Variants in TBCD observed in about 807,000 individuals in gnomAD.
TBCD encodes the protein tubulin-specific chaperone D.
Under a neutral mutation model 169.3 loss-of-function variants are expected in TBCD, and 105 were observed. The ratio of observed to expected loss-of-function variants is 0.62; its 90% confidence interval spans 0.53 to 0.73. The LOEUF (loss-of-function observed/expected upper bound fraction) is 0.73. Among genes scored for constraint, TBCD ranks in the 30% least tolerant of loss-of-function variants. The probability of loss-of-function intolerance (pLI) is 0.00; values close to 1 mark genes in which losing one functional copy is unlikely to be tolerated. For missense variants in TBCD, 1,444 were observed against 1,600.1 expected (o/e 0.90, Z 1.66); for synonymous variants, 700 against 643.9 (o/e 1.09, Z -1.32).
At chr17:82,938,216 G>C in intron 36 of TBCD, 80 bp downstream of exon 36, 1 of 1,453,138 alleles carries the variant, frequency 6.9e-7, no homozygotes, top group South Asian at 1.2e-5. Flanking sequence ...CGCTGGCACT[G>C]TTGTGTTGGT....
intron 18 of TBCD, among the ~76,000 whole-genome samples, chr17:82,902,961 A>G (rs1175505019): frequency 6.6e-6 from 1 of 152,264 alleles, no homozygotes; most frequent in East Asian, 1.9e-4. Context: ...ATGTTCAACC[A>G]TGGGTGCTTT....
At chr17:82,839,065 C>A in intron 13 of TBCD, 1 of 813,332 alleles carries the variant, frequency 1.2e-6, no homozygotes, top group Non-Finnish European at 1.5e-6. Flanking sequence ...AACAACCAAA[C>A]AGAAACTTAA....
intron 13 of TBCD, 46 bp from the exon 14 acceptor site, chr17:82,870,178 C>T (rs761522362): frequency 1.2e-6 from 2 of 1,609,870 alleles, no homozygotes; most frequent in East Asian, 2.2e-5. Context: ...TCACGTGTTG[C>T]CCGTGTGGTC....
rs1555608221 is a variant in TBCD at position 82,833,948 on chromosome 17, G to GC, written c.1318+19014_1318+19015insC. Among the ~76,000 whole-genome samples the GC allele has an allele frequency of 1.3e-5, 2 of 148,262 alleles. No individual in the cohort carries two copies. Among genetic ancestry groups the GC allele is most frequent in the Non-Finnish European group, 3.0e-5 (2 of 66,994 alleles). The stretch of plus-strand genomic sequence containing the variant: ...ACGCCCAAGGCTGAGAACAAAGGCT[G>GC]TTTTTCTTTTTTTGAGACAGAGTTT... On this transcript the variant is annotated intron_variant, in intron 13 of 38. Transcript: ENST00000355528. The surrounding 1 kb of genome is among the most constrained non-coding windows in gnomAD (Gnocchi z 4.7).
At chr17:82,808,725 A>C (rs1160617538) in intron 11 of TBCD, among the ~76,000 whole-genome samples, 2 of 101,352 alleles carry the variant, frequency 2.0e-5, no homozygotes, top group African/African-American at 3.9e-5. Flanking sequence ...AGGCAGGTGC[A>C]GGGGCCGGCA....
At chr17:82,784,472 A>G (rs956699859) in intron 7 of TBCD, among the ~76,000 whole-genome samples, 35 of 152,238 alleles carry the variant, frequency 2.3e-4, no homozygotes, top group Admixed American at 2.0e-3. Flanking sequence ...GTGGAGGGGT[A>G]GGGCAGGGAG....
At chr17:82,800,192 T>A (rs1381471726) in intron 8 of TBCD, among the ~76,000 whole-genome samples, 1 of 152,158 alleles carries the variant, frequency 6.6e-6, no homozygotes, top group African/African-American at 2.4e-5. Flanking sequence ...GCCATGCACT[T>A]CCACCCCAGC....
chr17:82,789,317 C>T lies in TBCD; in HGVS notation c.771+7596C>T, dbSNP rs532100716. On this transcript the variant is annotated intron_variant, in intron 7 of 38. Transcript: ENST00000355528. This position sits in a 1 kb window ranked among gnomAD's most constrained non-coding sequence, Gnocchi z 4.8. ...ACAGAAACCTGCATGGTGAGCCGCA[C>T]GCCTTTGAGTCCCCATCAGCCCTGG... is the stretch of plus-strand genomic sequence containing the variant. Among the ~76,000 whole-genome samples the T allele has an allele frequency of 1.1e-4, 17 of 152,344 alleles. No homozygotes were observed. The highest frequency in any genetic ancestry group is 2.9e-4 in the African/African-American group (12 of 41,582).
At position 82,915,288 on chromosome 17, in the gene TBCD, T is replaced by C. The variant is rs1339664140; in HGVS notation, c.2038+3499T>C. 2.0e-5 allele frequency among the ~76,000 whole-genome samples: 3 copies of C among 152,226 alleles called. No homozygotes were observed. Among genetic ancestry groups the C allele is most frequent in the Non-Finnish European group, 4.4e-5 (3 of 68,026 alleles). On this transcript the variant is annotated intron_variant, in intron 23 of 38. Transcript: ENST00000355528. This position sits in a 1 kb window ranked among gnomAD's most constrained non-coding sequence, Gnocchi z 4.3. Reference sequence around the variant, plus strand: ...CCGGAGGTGTCGAACCGCAGATTTCTTCAGACGTTTTTTGCACATTTTGTG... The same window carrying C: ...CCGGAGGTGTCGAACCGCAGATTTCCTCAGACGTTTTTTGCACATTTTGTG...
intron 14 of TBCD, among the ~76,000 whole-genome samples, chr17:82,883,840 G>A (rs1374764863): frequency 6.6e-6 from 1 of 152,222 alleles, no homozygotes; most frequent in Non-Finnish European, 1.5e-5. Context: ...CAGCAGGCCA[G>A]GTGCGTTCTG....
chr17:82,924,909 CCT>C, intron 26 of TBCD, 28 bp from the exon 27 acceptor site: 1 of 1,526,618 alleles, frequency 6.6e-7, no homozygotes, highest in Non-Finnish European at 8.9e-7. Flanking sequence ...CAGCAGAGGG[CCT>C]CTCTTCACAC....
At chr17:82,766,227 A>G in intron 3 of TBCD, 40 bp from the exon 4 acceptor site, 1 of 1,544,032 alleles carries the variant, frequency 6.5e-7, no homozygotes, top group Non-Finnish European at 8.8e-7. Flanking sequence ...TGCTCTCTGT[A>G]TTTTTAAATG....
rs2063588737 is a variant in TBCD, at chr17:82,945,027, A to C, written c.*2564A>C. ...GATTGACTTGGCCCTGACCAGTGGT[A>C]TTCCCAGACAAGGGCAGAAGATGCA... On this transcript the variant is annotated 3_prime_UTR_variant, in exon 39 of 39. Coordinates refer to ENST00000355528, the MANE Select transcript of TBCD (RefSeq NM_005993.5). The C allele has an allele frequency of 6.6e-6, 1 of 152,256 alleles. No individual in the cohort carries two copies. The highest frequency in any genetic ancestry group is 1.5e-5 in the Non-Finnish European group (1 of 68,060). The allele number at this position is 152,256 out of a possible 1,614,324, so 9.4% of individuals were successfully genotyped here. A position where few individuals can be genotyped will look rare whatever the true frequency, so the allele number is the denominator to read the frequency against.
chr17:82,761,448 G>A lies in TBCD; in HGVS notation c.236-2517G>A, dbSNP rs543251253. On this transcript the variant is annotated intron_variant, in intron 2 of 38. Transcript: ENST00000355528. ...GTAAGATGTTTGAGTTTCGGTAAATGTATACACCCCGCGCTATCAAGATAT... is the reference window on the plus strand; with the variant it reads ...GTAAGATGTTTGAGTTTCGGTAAATATATACACCCCGCGCTATCAAGATAT... Among the ~76,000 whole-genome samples the A allele has an allele frequency of 3.4e-4, 52 of 152,248 alleles. No homozygotes were observed. The South Asian group carries it at 9.7e-3, about 29-fold the overall frequency.
At chr17:82,862,023 C>T (rs971178543) in intron 13 of TBCD, among the ~76,000 whole-genome samples, 23 of 151,902 alleles carry the variant, frequency 1.5e-4, no homozygotes, top group Non-Finnish European at 2.6e-4. Context: ...CCCAGGTTCA[C>T]GCCATTCTCC....
chr17:82,906,933 G>A (rs2060292791), intron 20 of TBCD, among the ~76,000 whole-genome samples: 1 of 152,224 alleles, frequency 6.6e-6, no homozygotes, highest in Non-Finnish European at 1.5e-5. Context: ...GGAGAACCAG[G>A]CGGGAGCTCC....
chr17:82,846,922 C>T (rs1328302579), intron 13 of TBCD, among the ~76,000 whole-genome samples: 3 of 152,228 alleles, frequency 2.0e-5, no homozygotes, highest in Non-Finnish European at 4.4e-5. Flanking sequence ...ATGGCCAAGC[C>T]CAGCTGCACC....
intron 13 of TBCD, among the ~76,000 whole-genome samples, chr17:82,818,624 A>G (rs116221521): frequency 0.013 from 1,905 of 152,180 alleles, 56 homozygotes; most frequent in African/African-American, 0.044. Flanking sequence ...CACACACACA[A>G]ACACTGCAGC....
intron 22 of TBCD, among the ~76,000 whole-genome samples, chr17:82,910,929 C>T (rs1349353704): frequency 1.3e-5 from 2 of 152,174 alleles, no homozygotes; most frequent in South Asian, 2.1e-4. Flanking sequence ...CCTTTACCTT[C>T]GAGGGGTGAA....
Sources: gnomAD v4.1 joint callset for allele counts (sites outside exome capture counted in the v4.1 genomes callset) on GRCh38, gnomAD v4.1.1 for gene constraint, Gnocchi (gnomAD v3.1) non-coding constraint, MANE v1.5 for transcripts, NCBI Gene and HGNC (gene_info 2026-07-23, HGNC 2026-07-21) for gene names.